The following EIF4G3 variants were observed in gnomAD, a reference collection of about 807,000 sequenced individuals.
The protein encoded by EIF4G3 is eIF-4-gamma 3.
A neutral mutation model predicts 186.4 loss-of-function variants in EIF4G3; 34 were observed. The observed-to-expected ratio is 0.18, with a 90% confidence interval of 0.14 to 0.24. EIF4G3 has a LOEUF of 0.24. Ranked by LOEUF, EIF4G3 falls within the 10% of genes least tolerant of loss-of-function variation. The probability of loss-of-function intolerance (pLI) is 1.00; values close to 1 mark genes in which losing one functional copy is unlikely to be tolerated. For missense variants in EIF4G3, 1,536 were observed against 1,948.5 expected, an observed-to-expected ratio of 0.79 and a Z score of 3.99; for synonymous variants, 673 against 679.5, an observed-to-expected ratio of 0.99 and a Z score of 0.15.
At chr1:20,979,984 C>A (rs956192168) in intron 10 of EIF4G3, among the ~76,000 whole-genome samples, 1 of 152,148 alleles carries the variant, frequency 6.6e-6, no homozygotes, top group South Asian at 2.1e-4. Context: ...TCTCCTCGCC[C>A]GCCTCGGCCT....
intron 7 of EIF4G3, among the ~76,000 whole-genome samples, chr1:20,989,183 G>T (rs1382416967): frequency 6.7e-6 from 1 of 149,612 alleles, no homozygotes; most frequent in African/African-American, 2.5e-5. Flanking sequence ...AATACTCATG[G>T]ATTACTATGA....
chr1:20,830,152 C>T (rs1040379573), intron 30 of EIF4G3, among the ~76,000 whole-genome samples: 1 of 152,190 alleles, frequency 6.6e-6, no homozygotes, highest in Admixed American at 6.5e-5. Flanking sequence ...TAATTGTATG[C>T]ATGCCCTTTC....
intron 26 of EIF4G3, among the ~76,000 whole-genome samples, chr1:20,853,923 TG>T (rs924074075): frequency 6.6e-6 from 1 of 151,996 alleles, no homozygotes; most frequent in Non-Finnish European, 1.5e-5. Flanking sequence ...TAAACAGGGG[TG>T]GGAGTGGCAT....
At position 20,853,640 on chromosome 1, in the gene EIF4G3, G is replaced by C; in HGVS notation, c.3471C>G (p.Phe1157Leu). 6.2e-7 allele frequency: 1 copy of C among 1,613,942 alleles called. No homozygotes were observed. The highest frequency in any genetic ancestry group is 8.5e-7 in the Non-Finnish European group (1 of 1,179,904). Residue 1157 changes from phenylalanine (F) to leucine (L), a missense_variant, in exon 27 of 37, where the codon TTC (phenylalanine) becomes TTG (leucine). Transcript: ENST00000602326. The stretch of plus-strand genomic sequence containing the variant: ...AGGGTGCTGGAGGTTGCAGGGCAGA[G>C]AATCTGTTTAAACTGGAAGCACTTG... ...LRSSASSLNR[F>L]SALQPPAPSG... is the part of the protein sequence containing the mutation.
At chr1:21,125,801 CACACTCT>C (rs200016956) in intron 2 of EIF4G3, among the ~76,000 whole-genome samples, 3,987 of 130,372 alleles carry the variant, frequency 0.031, 76 homozygotes, top group Non-Finnish European at 0.042. Flanking sequence ...CACACACACA[CACACTCT>C]TATTAGGCAC....
intron 2 of EIF4G3, among the ~76,000 whole-genome samples, chr1:21,099,225 A>AC (rs1238350273): frequency 6.6e-6 from 1 of 152,204 alleles, no homozygotes; most frequent in Non-Finnish European, 1.5e-5. Flanking sequence ...ATAAAATTAA[A>AC]CATACACTAA....
intron 4 of EIF4G3, among the ~76,000 whole-genome samples, chr1:21,022,331 G>T (rs1275045080): frequency 6.6e-6 from 1 of 152,150 alleles, no homozygotes; most frequent in Admixed American, 6.5e-5. Flanking sequence ...AACCCCACAA[G>T]TTATTTTTAG....
intron 14 of EIF4G3, among the ~76,000 whole-genome samples, chr1:20,917,975 C>T (rs750163781): frequency 3.3e-5 from 5 of 152,096 alleles, no homozygotes; most frequent in Non-Finnish European, 7.4e-5. Context: ...ATAATCTGTA[C>T]ATCTAAGTAG....
intron 4 of EIF4G3, among the ~76,000 whole-genome samples, chr1:21,004,288 A>T (rs977685831): frequency 2.0e-5 from 3 of 152,218 alleles, no homozygotes; most frequent in Admixed American, 2.0e-4. Flanking sequence ...CATTTACCAT[A>T]TATTTTCTGA....
chr1:21,151,760 T>A (rs2097555428), intron 2 of EIF4G3, among the ~76,000 whole-genome samples: 1 of 151,712 alleles, frequency 6.6e-6, no homozygotes, highest in African/African-American at 2.4e-5. Flanking sequence ...ATTCCTTGAA[T>A]ATATGTTAAA....
chr1:21,100,206 G>A (rs2096485151), intron 2 of EIF4G3, among the ~76,000 whole-genome samples: 1 of 152,132 alleles, frequency 6.6e-6, no homozygotes, highest in Non-Finnish European at 1.5e-5. Context: ...GCTGAAGGGA[G>A]AGGTGGGAGG....
Position 20,857,457 on chromosome 1 carries a change from T to C in EIF4G3, c.3285A>G (p.Gln1095=), listed in dbSNP as rs1452418366. 4 of 1,614,018 alleles carry C rather than the reference T, an allele frequency of 2.5e-6. No homozygotes were observed. The highest frequency in any genetic ancestry group is 3.4e-6 in the Non-Finnish European group (4 of 1,180,038). Residue 1095 remains glutamine (Q), a synonymous_variant, in exon 25 of 37, where the codon CAA becomes CAG. Transcript: ENST00000602326. The part of the protein sequence containing the change: ...RVDEGGWNTV[Q]GAKNSRVLDP... ...CCAGTACCCGACTGTTCTTGGCCCC[T>C]TGTACAGTGTTCCACCCACCTTCGT...
intron 4 of EIF4G3, among the ~76,000 whole-genome samples, chr1:21,046,826 T>G (rs2093921695): frequency 6.6e-6 from 1 of 152,134 alleles, no homozygotes; most frequent in Non-Finnish European, 1.5e-5. Context: ...GCTTCTAAGT[T>G]TCACACTAAA....
intron 20 of EIF4G3, among the ~76,000 whole-genome samples, chr1:20,876,136 T>G (rs1158364655): frequency 6.7e-6 from 1 of 148,980 alleles, no homozygotes. Context: ...GATGAGAGGA[T>G]TGCTTGGACC....
At chr1:20,914,395 T>C (rs974754024) in intron 14 of EIF4G3, among the ~76,000 whole-genome samples, 1 of 151,858 alleles carries the variant, frequency 6.6e-6, no homozygotes, top group Non-Finnish European at 1.5e-5. Context: ...ACAGAGAGAT[T>C]TGAAGATGCT....
At chr1:20,848,946 A>G (rs955158649) in intron 29 of EIF4G3, among the ~76,000 whole-genome samples, 3 of 144,676 alleles carry the variant, frequency 2.1e-5, no homozygotes, top group African/African-American at 7.6e-5. Context: ...ACTTAGGAGG[A>G]TGAGGTAGGA....
rs372943186 is a variant in EIF4G3 at position 21,079,027 on chromosome 1, TTAAG to T, written c.-196+10107_-196+10110del. Among the ~76,000 whole-genome samples the T allele has an allele frequency of 4.6e-5, 7 of 152,204 alleles. No individual in the cohort carries two copies. In the East Asian group the frequency reaches 9.7e-4, roughly 21 times the overall value. On this transcript the variant is annotated intron_variant, in intron 3 of 36. Coordinates refer to ENST00000602326, the MANE Select transcript of EIF4G3 (RefSeq NM_001391906.1). ...AGCACATGTATCCCACAAATAATTA[TTAAG>T]TATCAATTTTTAAAAGCAGAGATGT...
intron 3 of EIF4G3, among the ~76,000 whole-genome samples, chr1:21,068,251 C>T (rs935190852): frequency 4.0e-5 from 6 of 151,638 alleles, no homozygotes; most frequent in African/African-American, 1.5e-4. Context: ...CACCTGTAAT[C>T]CCAGCTACTC....
At chr1:20,959,382 A>T (rs1409647749) in intron 12 of EIF4G3, among the ~76,000 whole-genome samples, 1 of 152,090 alleles carries the variant, frequency 6.6e-6, no homozygotes, top group Non-Finnish European at 1.5e-5. Flanking sequence ...TACAAAAGTC[A>T]ACTCAAGATA....
Sources: allele counts gnomAD v4.1 joint callset (sites outside exome capture counted in the v4.1 genomes callset), GRCh38; gene constraint gnomAD v4.1.1; transcripts MANE v1.5; gene names NCBI Gene and HGNC (gene_info 2026-07-23, HGNC 2026-07-21).